The following CNTLN variants were observed in gnomAD, a reference collection of about 807,000 sequenced individuals.
The protein encoded by CNTLN is centlein, centrosomal protein.
A neutral mutation model predicts 180.0 loss-of-function variants in CNTLN; 212 were observed. The observed-to-expected ratio is 1.18, with a 90% CI of 1.05 to 1.32. CNTLN has a LOEUF of 1.32. CNTLN is among the 40% of genes most tolerant of loss of function. CNTLN has a pLI of 0.00. For missense variants in CNTLN, 2,095 were observed against 1,610.9 expected, an observed-to-expected ratio of 1.30 and a Z score of -5.14; for synonymous variants, 722 against 563.1, an observed-to-expected ratio of 1.28 and a Z score of -3.99.
intron 7 of CNTLN, chr9:17,301,804 C>G (rs910921706): frequency 1.4e-4 from 136 of 981,296 alleles, no homozygotes; most frequent in Non-Finnish European, 5.0e-5. Context: ...AAAACAAAGT[C>G]TTTTATAATT....
chr9:17,354,034 C>T (rs370087298), intron 12 of CNTLN, among the ~76,000 whole-genome samples: 1 of 152,206 alleles, frequency 6.6e-6, no homozygotes, highest in African/African-American at 2.4e-5. Context: ...TCGGAGCAGC[C>T]GACCAGCCCT....
At chr9:17,507,703 A>T (rs956944020), downstream of CNTLN, among the ~76,000 whole-genome samples, 4 of 152,312 alleles carry the variant, frequency 2.6e-5, no homozygotes, top group East Asian at 1.9e-4. Context: ...ATGATTTTTT[A>T]AAAAAGCTTC....
chr9:17,274,907 T>C (rs1323505871), intron 6 of CNTLN, among the ~76,000 whole-genome samples: 3 of 152,096 alleles, frequency 2.0e-5, no homozygotes, highest in Non-Finnish European at 2.9e-5. Flanking sequence ...CTGTTTACCA[T>C]TACTGAAGCC....
At chr9:17,298,508 A>T in intron 7 of CNTLN, 156 bp downstream of exon 7, 2 of 1,324,902 alleles carry the variant, frequency 1.5e-6, no homozygotes, top group Non-Finnish European at 1.9e-6. Context: ...TCAATTTGAT[A>T]ACATTTAAAA....
chr9:17,402,441 C>A (rs1314167621), intron 15 of CNTLN, among the ~76,000 whole-genome samples: 1 of 151,938 alleles, frequency 6.6e-6, no homozygotes, highest in East Asian at 1.9e-4. Context: ...AACTTCCTCA[C>A]TGAACTAAGT....
chr9:17,301,709 C>G (rs1818366404), intron 7 of CNTLN: 14 of 954,284 alleles, frequency 1.5e-5, no homozygotes, highest in African/African-American at 1.8e-5. Context: ...TGAAAATATT[C>G]TTCTTATTTA....
intron 12 of CNTLN, among the ~76,000 whole-genome samples, chr9:17,349,251 G>T (rs1420647647): frequency 2.0e-5 from 3 of 152,088 alleles, no homozygotes; most frequent in Non-Finnish European, 4.4e-5. Context: ...TCTACTCCTT[G>T]TTGGGAAACA....
At position 17,262,047 on chromosome 9, in the gene CNTLN, A is replaced by G. The variant is rs997892519; in HGVS notation, c.850-11686A>G. ...GAGATACCATCTCACGCCAGTTAGA[A>G]CAGCGATTATTAAAAAGTTAGGAAA... On this transcript the variant is annotated intron_variant, in intron 5 of 25. Transcript: ENST00000380647. Among the ~76,000 whole-genome samples the G allele has an allele frequency of 3.3e-5, 5 of 151,662 alleles. No individual in the cohort carries two copies. The East Asian group carries it at 9.6e-4, about 29-fold the overall frequency.
At chr9:17,473,592 CAAA>C (rs1208961626) in intron 23 of CNTLN, among the ~76,000 whole-genome samples, 3 of 132,806 alleles carry the variant, frequency 2.3e-5, no homozygotes, top group Admixed American at 7.3e-5. Flanking sequence ...CACCATTTAC[CAAA>C]AAAAAAAAAA....
At chr9:17,193,640 G>C (rs961402949) in intron 2 of CNTLN, among the ~76,000 whole-genome samples, 3 of 152,096 alleles carry the variant, frequency 2.0e-5, no homozygotes, top group South Asian at 2.1e-4. Context: ...CTGCCTTCAC[G>C]GGCTGGCATC....
intron 2 of CNTLN, among the ~76,000 whole-genome samples, chr9:17,150,218 C>A (rs781298834): frequency 2.0e-5 from 3 of 152,190 alleles, no homozygotes; most frequent in East Asian, 1.9e-4. Context: ...GACATGAAGT[C>A]TTTGCCCATG....
intron 7 of CNTLN, among the ~76,000 whole-genome samples, chr9:17,307,299 C>T (rs183136011): frequency 7.8e-4 from 119 of 152,092 alleles, no homozygotes; most frequent in African/African-American, 2.7e-3. Context: ...GACAGTGTCT[C>T]CCCATGTCAC....
intron 16 of CNTLN, among the ~76,000 whole-genome samples, chr9:17,411,466 G>A (rs890538543): frequency 5.9e-5 from 9 of 152,118 alleles, no homozygotes; most frequent in African/African-American, 2.2e-4. Context: ...TCCTATCAGG[G>A]TGATGCCAGA....
chr9:17,490,323 G>A (rs931255929), intron 25 of CNTLN, among the ~76,000 whole-genome samples: 2 of 152,064 alleles, frequency 1.3e-5, no homozygotes. Context: ...TCTAATGAGT[G>A]AATAGATAGC....
chr9:17,216,845 C>T (rs562374064), intron 2 of CNTLN, among the ~76,000 whole-genome samples: 2 of 152,302 alleles, frequency 1.3e-5, no homozygotes, highest in South Asian at 2.1e-4. Flanking sequence ...ATGATAGTAG[C>T]GTGGCTGTTT....
chr9:17,259,328 C>T (rs1826764582), intron 5 of CNTLN, among the ~76,000 whole-genome samples: 1 of 137,300 alleles, frequency 7.3e-6, no homozygotes, highest in Admixed American at 7.2e-5. Flanking sequence ...ATGAAGCCCA[C>T]TTGATCATGG....
At chr9:17,462,167 G>A (rs1588051339) in intron 19 of CNTLN, among the ~76,000 whole-genome samples, 1 of 151,610 alleles carries the variant, frequency 6.6e-6, no homozygotes, top group South Asian at 2.1e-4. Flanking sequence ...GGGTTGACTG[G>A]GAAGTTCTTT....
intron 2 of CNTLN, among the ~76,000 whole-genome samples, chr9:17,192,454 G>A (rs1461213593): frequency 1.3e-5 from 2 of 151,386 alleles, no homozygotes; most frequent in Non-Finnish European, 2.9e-5. Context: ...GGCCAAGCTG[G>A]TCTTGAATTC....
At chr9:17,184,235 T>C (rs555505437) in intron 2 of CNTLN, among the ~76,000 whole-genome samples, 2 of 152,154 alleles carry the variant, frequency 1.3e-5, no homozygotes, top group African/African-American at 2.4e-5. Flanking sequence ...TATTTGAAAA[T>C]GATCAAGCAT....
Sources: allele counts gnomAD v4.1 joint callset (sites outside exome capture counted in the v4.1 genomes callset), GRCh38; gene constraint gnomAD v4.1.1; transcripts MANE v1.5; gene names NCBI Gene and HGNC (gene_info 2026-07-23, HGNC 2026-07-21).